Variants in BRF1 observed in about 807,000 individuals in gnomAD.
BRF1 encodes the protein transcription factor IIIB 90 kDa subunit.
Under a neutral mutation model 81.7 loss-of-function variants are expected in BRF1, and 59 were observed. The observed-to-expected ratio is 0.72, with a 90% CI of 0.59 to 0.90. The LOEUF (loss-of-function observed/expected upper bound fraction) is 0.90, where lower values mean the gene tolerates loss of function less well. BRF1 is among the 40% of genes least tolerant of loss of function. BRF1 has a pLI of 0.00. For synonymous variants in BRF1, 491 were observed against 395.6 expected, an observed-to-expected ratio of 1.24 and a Z score of -2.86; for missense variants, 1,050 against 936.3, an observed-to-expected ratio of 1.12 and a Z score of -1.58.
chr14:105,244,451 C>G (rs2054933918), intron 5 of BRF1, among the ~76,000 whole-genome samples: 1 of 151,942 alleles, frequency 6.6e-6, no homozygotes, highest in South Asian at 2.1e-4. Context: ...AAACAAAAAA[C>G]AAAAAAGACA....
rs773311258 is a variant in BRF1, at chr14:105,220,059, T to C, written c.1377+10A>G. The stretch of plus-strand genomic sequence containing the variant: ...CCCAGCCCCTCTTGGGAAGGGGTGC[T>C]GCCACGTACCCTGTCAATCTCCAGG... On this transcript the variant is annotated intron_variant, in intron 12 of 17. Transcript: ENST00000547530. 1 of 1,611,830 alleles carries C rather than the reference T, an allele frequency of 6.2e-7. No homozygotes were observed. The highest frequency in any genetic ancestry group is 8.5e-7 in the Non-Finnish European group (1 of 1,179,948).
Position 105,209,347 on chromosome 14 carries a change from G to A in BRF1, c.*1204C>T, listed in dbSNP as rs776087865. ...AAATCTATTCTTCCCCCAAGCCCTC[G>A]AGAAGCCCTGGCAGGACCCAGGCTG... On this transcript the variant is annotated 3_prime_UTR_variant, in exon 18 of 18. Transcript: ENST00000547530. The A allele has an allele frequency of 2.6e-4, 147 of 570,476 alleles. No homozygotes were observed. The highest frequency in any genetic ancestry group is 3.9e-4 in the Non-Finnish European group (124 of 320,598). 35.3% of individuals were successfully genotyped at this position (570,476 alleles called of 1,614,324 possible). A position where few individuals can be genotyped will look rare whatever the true frequency, so the allele number is the denominator to read the frequency against.
chr14:105,247,701 A>C (rs1412958190), intron 5 of BRF1: 12 of 985,238 alleles, frequency 1.2e-5, no homozygotes, highest in Non-Finnish European at 1.4e-5. Context: ...GAAGTTTTAA[A>C]AGTCTAAAGC....
chr14:105,229,089 C>G (rs1483883336), intron 6 of BRF1, among the ~76,000 whole-genome samples, 176 bp from the exon 7 acceptor site: 19 of 151,426 alleles, frequency 1.3e-4, no homozygotes, highest in Admixed American at 1.2e-3. Context: ...ACATGACCCT[C>G]TCTATCTTAT....
At chr14:105,298,868 A>G (rs982001235) in intron 1 of BRF1, among the ~76,000 whole-genome samples, 1 of 129,826 alleles carries the variant, frequency 7.7e-6, no homozygotes, top group Non-Finnish European at 1.6e-5. Context: ...AAAAAAAAAA[A>G]AGTTAAAACT....
At chr14:105,310,927 A>G (rs587733175) in intron 1 of BRF1, among the ~76,000 whole-genome samples, 1 of 152,372 alleles carries the variant, frequency 6.6e-6, no homozygotes, top group Admixed American at 6.5e-5. Flanking sequence ...GTAAATACAT[A>G]CTGCACATGG....
chr14:105,247,790 C>T (rs1446914253), intron 5 of BRF1: 5 of 985,446 alleles, frequency 5.1e-6, no homozygotes, highest in Non-Finnish European at 6.0e-6. Flanking sequence ...TTCGTCTGCA[C>T]GCGAGCTTGG....
At chr14:105,268,321 C>T (rs2056511859) in intron 3 of BRF1, among the ~76,000 whole-genome samples, 1 of 152,282 alleles carries the variant, frequency 6.6e-6, no homozygotes. Context: ...TCCCGTGTCT[C>T]AGCCCTGCTG....
chr14:105,310,775 A>T (rs796772488), intron 1 of BRF1, among the ~76,000 whole-genome samples: 42 of 152,342 alleles, frequency 2.8e-4, no homozygotes, highest in African/African-American at 9.9e-4. Flanking sequence ...AATAGGAGAT[A>T]AAGATAAGCA....
intron 5 of BRF1, among the ~76,000 whole-genome samples, chr14:105,246,287 CAT>C (rs990663510): frequency 6.6e-6 from 1 of 152,040 alleles, no homozygotes; most frequent in Non-Finnish European, 1.5e-5. Flanking sequence ...CCAACAAGCA[CAT>C]GAGTAGATGG....
chr14:105,221,950 G>C, intron 10 of BRF1, 36 bp from the exon 11 acceptor site: 4 of 1,524,486 alleles, frequency 2.6e-6, no homozygotes, highest in Non-Finnish European at 3.5e-6. Flanking sequence ...ACCAGGCAGA[G>C]GGCCAGGGTG....
intron 14 of BRF1, 151 bp from the exon 15 acceptor site, chr14:105,217,951 G>A: frequency 7.7e-7 from 1 of 1,301,556 alleles, no homozygotes; most frequent in Non-Finnish European, 1.0e-6. Context: ...CAGAATGTGG[G>A]CCAGCCTGGT....
chr14:105,294,894 C>G (rs1051261385), intron 1 of BRF1, among the ~76,000 whole-genome samples: 2 of 152,200 alleles, frequency 1.3e-5, no homozygotes, highest in Non-Finnish European at 1.5e-5. Context: ...AACACAGCAT[C>G]TTAAATATAA....
intron 5 of BRF1, chr14:105,247,444 G>GT (rs2055196915): frequency 2.1e-5 from 21 of 985,398 alleles, no homozygotes; most frequent in Non-Finnish European, 2.5e-5. Context: ...TCCTTTGCCC[G>GT]TTTTTTAAAA....
At chr14:105,218,725 C>T (rs937887296) in intron 14 of BRF1, among the ~76,000 whole-genome samples, 10 of 152,212 alleles carry the variant, frequency 6.6e-5, no homozygotes, top group Admixed American at 4.6e-4. Context: ...CCCCGAGTCT[C>T]GACAGTCTGC....
chr14:105,287,964 G>A (rs2057376992), intron 1 of BRF1, among the ~76,000 whole-genome samples: 1 of 152,230 alleles, frequency 6.6e-6, no homozygotes, highest in Non-Finnish European at 1.5e-5. Context: ...CCCAGAGCCG[G>A]CCTCCTGGTG....
rs375068731 is a variant in BRF1 at position 105,219,402 on chromosome 14, G to T, written c.1378-170C>A. The T allele has an allele frequency of 7.1e-5, 100 of 1,398,886 alleles. No individual in the cohort carries two copies. The African/African-American group carries it at 1.2e-3, about 17-fold the overall frequency. 86.7% of individuals were successfully genotyped at this position (1,398,886 alleles called of 1,614,324 possible). On this transcript the variant is annotated intron_variant, in intron 12 of 17. Coordinates refer to ENST00000547530, the MANE Select transcript of BRF1 (RefSeq NM_001519.4). ...AGGCCTCATCGCGCGGGGCGAGTTG[G>T]GGACCTGTTGCTCTGTGGCCTGTCC...
intron 3 of BRF1, among the ~76,000 whole-genome samples, chr14:105,272,252 C>T (rs1190390555): frequency 6.6e-6 from 1 of 151,952 alleles, no homozygotes; most frequent in African/African-American, 2.4e-5. Context: ...CCGAGCTGCA[C>T]ACCGCTGAGG....
At chr14:105,291,174 C>A (rs1325370044) in intron 1 of BRF1, among the ~76,000 whole-genome samples, 7 of 152,144 alleles carry the variant, frequency 4.6e-5, no homozygotes, top group Non-Finnish European at 8.8e-5. Context: ...GGAGGACCTG[C>A]GGTTCCACCA....
Sources: gnomAD v4.1 joint callset for allele counts (sites outside exome capture counted in the v4.1 genomes callset) on GRCh38, gnomAD v4.1.1 for gene constraint, MANE v1.5 for transcripts, NCBI Gene and HGNC (gene_info 2026-07-23, HGNC 2026-07-21) for gene names.